GLI1: variants seen among roughly 807,000 people sequenced by gnomAD.
GLI1 encodes the protein GLI family zinc finger 1, also known as transcription activator GLI1.
A neutral mutation model predicts 87.8 loss-of-function variants in GLI1; 51 were observed. The ratio of observed to expected loss-of-function variants is 0.58; its 90% CI spans 0.46 to 0.73. The LOEUF is 0.73. GLI1 is among the 30% of genes least tolerant of loss of function. GLI1 has a pLI of 0.00. For synonymous variants in GLI1, 528 were observed against 558.2 expected, an observed-to-expected ratio of 0.95 and a Z score of 0.76; for missense variants, 1,292 against 1,437.2, an observed-to-expected ratio of 0.90 and a Z score of 1.63.
intron 6 of GLI1, 26 bp downstream of exon 6, chr12:57,465,722 C>T (rs1274392972): frequency 6.2e-7 from 1 of 1,613,336 alleles, no homozygotes; most frequent in Middle Eastern, 1.7e-4. Context: ...GGAGCTTTAC[C>T]TCTGGGACCT....
chr12:57,468,303 C>A, intron 10 of GLI1, 79 bp downstream of exon 10: 4 of 863,720 alleles, frequency 4.6e-6, no homozygotes, highest in South Asian at 1.6e-5. Context: ...CCCAACCCAT[C>A]CATTCCCTCC....
chr12:57,470,729 C>T lies in GLI1; in HGVS notation c.1989C>T (p.Val663=), dbSNP rs769883630. 4 of 1,612,932 alleles carry T rather than the reference C, an allele frequency of 2.5e-6. No homozygotes were observed. The South Asian group carries it at 4.4e-5, about 18-fold the overall frequency. The change falls in exon 12 of 12, where the codon GTC becomes GTT. Residue 663 remains valine (V), a synonymous_variant. Coordinates refer to ENST00000228682, the MANE Select transcript of GLI1 (RefSeq NM_005269.3). ...RVQRFKSLGC[V]HTPPTVAGGG... The stretch of plus-strand genomic sequence containing the variant: ...AGAGGTTCAAGAGCCTGGGCTGTGT[C>T]CATACCCCACCCACTGTGGCAGGGG...
At position 57,471,713 on chromosome 12, in the gene GLI1, T is replaced by G; in HGVS notation, c.2973T>G (p.Leu991=). ...ASHRAAAPPR[L]LPPLPTCYGP... is the part of the protein sequence containing the mutation. ...ATAGGGCAGCAGCACCACCTCGACTTCTGCCCCCATTGCCCACTTGCTATG... is the reference window on the plus strand; with the variant it reads ...ATAGGGCAGCAGCACCACCTCGACTGCTGCCCCCATTGCCCACTTGCTATG... Residue 991 remains leucine, a synonymous_variant, in exon 12 of 12, where the codon CTT becomes CTG. Transcript: ENST00000228682. This position sits in a 1 kb window ranked among gnomAD's most constrained non-coding sequence, Gnocchi z 4.9. 1 of 1,585,134 alleles carries G rather than the reference T, an allele frequency of 6.3e-7. No individual in the cohort carries two copies. Among genetic ancestry groups the G allele is most frequent in the Non-Finnish European group, 8.6e-7 (1 of 1,165,432 alleles).
Position 57,464,828 on chromosome 12 carries a change from C to T in GLI1, c.349C>T (p.Pro117Ser), listed in dbSNP as rs774885952. ...VAFINSRCTS[P>S]GGSYGHLSIG... Reference sequence around the variant, plus strand: ...TTTCATCAACTCGCGATGCACATCTCCAGGAGGCTCCTACGGTCATCTCTC... The same window carrying T: ...TTTCATCAACTCGCGATGCACATCTTCAGGAGGCTCCTACGGTCATCTCTC... Residue 117 changes from proline (P) to serine (S), a missense_variant, in exon 4 of 12, where the codon CCA becomes TCA. Pro to Ser is a moderately conservative substitution (Grantham distance 74). Around this residue, in one of 3 missense-constraint regions of GLI1, gnomAD observed 383 missense variants for 368.4 expected, o/e 1.04. Transcript: ENST00000228682. The T allele has an allele frequency of 6.2e-7, 1 of 1,614,048 alleles. No homozygotes were observed. The highest frequency in any genetic ancestry group is 8.5e-7 in the Non-Finnish European group (1 of 1,179,902).
Position 57,465,092 on chromosome 12 carries a change from T to A in GLI1, c.390-19T>A. 6.2e-7 allele frequency: 1 copy of A among 1,613,016 alleles called. No individual in the cohort carries two copies. Among genetic ancestry groups the A allele is most frequent in the Non-Finnish European group, 8.5e-7 (1 of 1,178,908 alleles). ...AGACTTCCTAATTGTCTTAAGTAAC[T>A]GCCTCCTCTCCTCCTCAGCCCATCT... On this transcript the variant is annotated intron_variant, in intron 4 of 11. Transcript: ENST00000228682.
At chr12:57,469,721 G>A in intron 11 of GLI1, 23 bp downstream of exon 11, 1 of 1,609,184 alleles carries the variant, frequency 6.2e-7, no homozygotes, top group Non-Finnish European at 8.5e-7. Flanking sequence ...TGTGGGAGGT[G>A]TGGCTGGGGT....
chr12:57,469,652 G>A lies in GLI1; in HGVS notation c.1530G>A (p.Arg510=), dbSNP rs551972267. ...GGCTGGACCAGCTACATCAACTCCGGCCAATAGGGACCCGGGGTCTCAAAC... is the reference window on the plus strand; with the variant it reads ...GGCTGGACCAGCTACATCAACTCCGACCAATAGGGACCCGGGGTCTCAAAC... ...NLRLDQLHQL[R]PIGTRGLKLP... is the part of the protein sequence containing the mutation. The change falls in exon 11 of 12, where the codon CGG becomes CGA. Residue 510 remains arginine (R), a synonymous_variant. Coordinates refer to ENST00000228682, the MANE Select transcript of GLI1 (RefSeq NM_005269.3). The A allele has an allele frequency of 1.2e-5, 19 of 1,614,014 alleles. No individual in the cohort carries two copies. In the East Asian group the frequency reaches 4.2e-4, roughly 36 times the overall value.
Position 57,464,872 on chromosome 12 carries a change from C to T in GLI1, c.389+4C>T. 6.2e-7 allele frequency: 1 copy of T among 1,608,154 alleles called. No individual in the cohort carries two copies. The highest frequency in any genetic ancestry group is 8.5e-7 in the Non-Finnish European group (1 of 1,174,800). On this transcript the variant is annotated splice_donor_region_variant and intron_variant, in intron 4 of 11. Coordinates refer to ENST00000228682, the MANE Select transcript of GLI1 (RefSeq NM_005269.3). ...ATCTCTCCATTGGCACCATGAGGTGCAGTCAGCCCCGGGCCAAGAGGCCCC... is the reference window on the plus strand; with the variant it reads ...ATCTCTCCATTGGCACCATGAGGTGTAGTCAGCCCCGGGCCAAGAGGCCCC...
Position 57,472,100 on chromosome 12 carries a change from A to G in GLI1, c.*39A>G. The G allele has an allele frequency of 1.5e-6, 2 of 1,374,982 alleles. No homozygotes were observed. The highest frequency in any genetic ancestry group is 2.9e-5 in the African/African-American group (2 of 67,948). The allele number at this position is 1,374,982 out of a possible 1,614,324, so 85.2% of individuals were successfully genotyped here. On this transcript the variant is annotated 3_prime_UTR_variant, in exon 12 of 12. Transcript: ENST00000228682. ...TCATCCATCACAGATCGCATTTCCT[A>G]AGGGGTTTCTATCCTTCCAGAAAAA...
At chr12:57,467,551 G>T in intron 9 of GLI1, 54 bp downstream of exon 9, 1 of 1,429,264 alleles carries the variant, frequency 7.0e-7, no homozygotes, top group Non-Finnish European at 9.6e-7. Flanking sequence ...CTACCAGGGA[G>T]ATTCCCCCAT....
At position 57,460,016 on chromosome 12, in the gene GLI1, C is replaced by T. The variant is rs1871019858; in HGVS notation, c.-213C>T. 1 of 130,720 alleles carries T rather than the reference C, an allele frequency of 7.6e-6. No individual in the cohort carries two copies. Among genetic ancestry groups the T allele is most frequent in the Admixed American group, 9.3e-5 (1 of 10,806 alleles). The allele number at this position is 130,720 out of a possible 1,614,324, so 8.1% of individuals were successfully genotyped here. On this transcript the variant is annotated 5_prime_UTR_variant, in exon 1 of 12. Coordinates refer to ENST00000228682, the MANE Select transcript of GLI1 (RefSeq NM_005269.3). ...GGAAAAAAAAAGTTTGCGCTTCTCGCGGGTGGTCCGGGCTTGCGGCCCGGC... is the reference window on the plus strand; with the variant it reads ...GGAAAAAAAAAGTTTGCGCTTCTCGTGGGTGGTCCGGGCTTGCGGCCCGGC...
chr12:57,470,043 A>AAAAC lies in GLI1; in HGVS notation c.1577-259_1577-256dup, dbSNP rs372887010. On this transcript the variant is annotated intron_variant, in intron 11 of 11. Coordinates refer to ENST00000228682, the MANE Select transcript of GLI1 (RefSeq NM_005269.3). ...AACTCTGTTTCAAACAAAACAAAAC[A>AAAAC]AAACAAACAAACAAACAAGTATGCA... Among the ~76,000 whole-genome samples, 389 of 152,226 alleles carry AAAAC rather than the reference A, an allele frequency of 2.6e-3. 1 individual carries two copies. Among genetic ancestry groups the AAAAC allele is most frequent in the African/African-American group, 8.6e-3 (358 of 41,514 alleles).
At chr12:57,468,246 T>C in intron 10 of GLI1, 22 bp downstream of exon 10, 1 of 1,519,036 alleles carries the variant, frequency 6.6e-7, no homozygotes, top group Non-Finnish European at 9.1e-7. Flanking sequence ...CAGGCAACCC[T>C]CACCTCCATA....
chr12:57,471,182 C>A lies in GLI1; in HGVS notation c.2442C>A (p.Val814=). 6.2e-7 allele frequency: 1 copy of A among 1,602,202 alleles called. No individual in the cohort carries two copies. Among genetic ancestry groups the A allele is most frequent in the Non-Finnish European group, 8.5e-7 (1 of 1,174,054 alleles). The part of the protein sequence containing the change: ...PRLEHYGQVQ[V]KPEQGCPVGS... ...TTGAACATTATGGACAAGTGCAAGTCAAGCCAGAACAGGGGTGCCCAGTGG... is the reference window on the plus strand; with the variant it reads ...TTGAACATTATGGACAAGTGCAAGTAAAGCCAGAACAGGGGTGCCCAGTGG... Residue 814 remains valine (V), a synonymous_variant, in exon 12 of 12, where the codon GTC becomes GTA. Coordinates refer to ENST00000228682, the MANE Select transcript of GLI1 (RefSeq NM_005269.3). The surrounding 1 kb of genome is among the most constrained non-coding windows in gnomAD (Gnocchi z 4.9).
chr12:57,465,204 G>A lies in GLI1; in HGVS notation c.483G>A (p.Arg161=). 1 of 1,614,012 alleles carries A rather than the reference G, an allele frequency of 6.2e-7. No individual in the cohort carries two copies. The highest frequency in any genetic ancestry group is 8.5e-7 in the Non-Finnish European group (1 of 1,179,988). The change falls in exon 5 of 12, where the codon CGG becomes CGA. Residue 161 remains arginine, a synonymous_variant. Coordinates refer to ENST00000228682, the MANE Select transcript of GLI1 (RefSeq NM_005269.3). ...CTTGTGGTCCCCATGACTCTGCCCG[G>A]GGTGGGATGATCCCACATCCTCAGT... ...VQPCGPHDSA[R]GGMIPHPQSR... is the part of the protein sequence containing the mutation.
Position 57,465,694 on chromosome 12 carries a change from C to G in GLI1, c.622C>G (p.Gln208Glu), listed in dbSNP as rs769675836. Reference protein sequence around the residue: ...DMSSPNSTGIQDPLLGMLDGR... With the variant: ...DMSSPNSTGIEDPLLGMLDGR... ...GTCCAGCCCCAACTCCACAGGCATA[C>G]AGGTAAGGGGATGGGCAGGAGCTTT... The change falls in exon 6 of 12, where the codon CAG (glutamine) becomes GAG (glutamate). Residue 208 changes from glutamine to glutamate, a missense_variant and splice_region_variant. Around this residue, in one of 3 missense-constraint regions of GLI1, gnomAD observed 383 missense variants for 368.4 expected, o/e 1.04. Transcript: ENST00000228682. 4 of 1,613,696 alleles carry G rather than the reference C, an allele frequency of 2.5e-6. No homozygotes were observed. Among genetic ancestry groups the G allele is most frequent in the South Asian group, 2.2e-5 (2 of 91,078 alleles).
rs1004711090 is a variant in GLI1, at chr12:57,466,421, C to T, written c.912+32C>T. The T allele has an allele frequency of 3.8e-6, 6 of 1,572,974 alleles. No homozygotes were observed. In the African/African-American group the frequency reaches 8.1e-5, roughly 21 times the overall value. ...CACCAGTGTCCCAAGTCCAGGGTCT[C>T]TTCCTAAATCAGGGCTCTCCTTCAA... On this transcript the variant is annotated intron_variant, in intron 8 of 11. Coordinates refer to ENST00000228682, the MANE Select transcript of GLI1 (RefSeq NM_005269.3).
At chr12:57,463,937 TG>T in intron 2 of GLI1, 61 bp from the exon 3 acceptor site, 1 of 1,300,084 alleles carries the variant, frequency 7.7e-7, no homozygotes, top group Non-Finnish European at 1.1e-6. Flanking sequence ...AGGTCATGTC[TG>T]GGGTTTTAAG....
At chr12:57,466,781 G>A (rs994131944) in intron 8 of GLI1, among the ~76,000 whole-genome samples, 9 of 152,084 alleles carry the variant, frequency 5.9e-5, no homozygotes, top group Non-Finnish European at 1.2e-4. Flanking sequence ...ATGGGCGCCT[G>A]TAGTCCCTGC....
Sources: gnomAD v4.1 joint callset for allele counts (sites outside exome capture counted in the v4.1 genomes callset) on GRCh38, gnomAD v4.1.1 for gene constraint, gnomAD v4.1.1 regional missense constraint, Gnocchi (gnomAD v3.1) non-coding constraint, MANE v1.5 for transcripts, NCBI Gene and HGNC (gene_info 2026-07-23, HGNC 2026-07-21) for gene names.